CACNA2D3: variants seen among roughly 807,000 people sequenced by gnomAD.
CACNA2D3 encodes voltage-dependent calcium channel subunit alpha-2/delta-3.
A neutral mutation model predicts 160.6 loss-of-function variants in CACNA2D3; 60 were observed. The ratio of observed to expected loss-of-function variants is 0.37; its 90% CI spans 0.30 to 0.46. CACNA2D3 has a LOEUF of 0.46. Ranked by LOEUF, CACNA2D3 falls within the 20% of genes least tolerant of loss-of-function variation. The pLI is 1.00. For missense variants in CACNA2D3, 1,205 were observed against 1,365.0 expected (o/e 0.88, Z 1.85); for synonymous variants, 558 against 492.9 (o/e 1.13, Z -1.75).
chr3:54,514,151 G>A (rs554873260), intron 5 of CACNA2D3, among the ~76,000 whole-genome samples: 3 of 152,108 alleles, frequency 2.0e-5, no homozygotes, highest in Non-Finnish European at 4.4e-5. Context: ...GCAAAGAGTC[G>A]TTTTAAAAAT....
intron 2 of CACNA2D3, chr3:54,197,490 TAGC>T (rs1486016461): frequency 6.6e-6 from 1 of 152,250 alleles, no homozygotes; most frequent in Non-Finnish European, 1.5e-5. Flanking sequence ...ATCTTTATAG[TAGC>T]AGAACTTATT....
At chr3:54,215,139 A>G (rs973481014) in intron 2 of CACNA2D3, among the ~76,000 whole-genome samples, 7 of 152,160 alleles carry the variant, frequency 4.6e-5, no homozygotes, top group African/African-American at 1.7e-4. Context: ...TGGGTTGTGG[A>G]GAGAGAGAAA....
At chr3:54,847,621 GCTTT>G (rs1214098875) in intron 17 of CACNA2D3, among the ~76,000 whole-genome samples, 1 of 152,206 alleles carries the variant, frequency 6.6e-6, no homozygotes, top group African/African-American at 2.4e-5. Flanking sequence ...CCATATGCAT[GCTTT>G]AAGATGGGCC....
intron 8 of CACNA2D3, among the ~76,000 whole-genome samples, chr3:54,579,471 T>C (rs1198735295): frequency 6.6e-6 from 1 of 152,188 alleles, no homozygotes. Flanking sequence ...TTTCCCTTAA[T>C]GGCAGGAAAA....
At chr3:55,066,481 C>T (rs1232822047) in intron 35 of CACNA2D3, among the ~76,000 whole-genome samples, 1 of 152,136 alleles carries the variant, frequency 6.6e-6, no homozygotes, top group East Asian at 1.9e-4. Flanking sequence ...CTCGGGGGAT[C>T]TTATCCCTGC....
chr3:54,634,043 A>G (rs545780390), intron 10 of CACNA2D3, among the ~76,000 whole-genome samples: 6 of 152,240 alleles, frequency 3.9e-5, no homozygotes, highest in Admixed American at 2.0e-4. Context: ...CCAGTTATGT[A>G]TGGTCTTCTC....
intron 35 of CACNA2D3, among the ~76,000 whole-genome samples, chr3:55,024,585 G>A (rs1181861251): frequency 6.6e-6 from 1 of 152,078 alleles, no homozygotes; most frequent in Non-Finnish European, 1.5e-5. Context: ...TATCATTGAG[G>A]CAGAAAACAA....
intron 2 of CACNA2D3, among the ~76,000 whole-genome samples, chr3:54,129,234 G>A (rs915303085): frequency 6.6e-6 from 1 of 152,184 alleles, no homozygotes; most frequent in Non-Finnish European, 1.5e-5. Flanking sequence ...GGCAGATTAG[G>A]TATTTGTATA....
chr3:54,371,675 T>C lies in CACNA2D3; in HGVS notation c.322-15040T>C, dbSNP rs571889573. 7.2e-5 allele frequency among the ~76,000 whole-genome samples: 11 copies of C among 152,316 alleles called. No individual in the cohort carries two copies. In the East Asian group the frequency reaches 1.9e-3, roughly 27 times the overall value. On this transcript the variant is annotated intron_variant, in intron 3 of 37. Coordinates refer to ENST00000474759, the MANE Select transcript of CACNA2D3 (RefSeq NM_018398.3). Reference sequence around the variant, plus strand: ...TGATCTATTTGTACTCATTTAACTTTGTGATTTATTAGCCCAAGTAGAAGC... The same window carrying C: ...TGATCTATTTGTACTCATTTAACTTCGTGATTTATTAGCCCAAGTAGAAGC...
intron 13 of CACNA2D3, among the ~76,000 whole-genome samples, chr3:54,815,492 T>C (rs1024391505): frequency 4.6e-5 from 7 of 152,210 alleles, no homozygotes; most frequent in Non-Finnish European, 7.3e-5. Flanking sequence ...GAAAGTCTGA[T>C]GATTCAAGTG....
Position 54,577,775 on chromosome 3 carries a change from A to G in CACNA2D3, c.889-4028A>G, listed in dbSNP as rs144246279. Among the ~76,000 whole-genome samples the G allele has an allele frequency of 2.1e-3, 320 of 152,276 alleles. 3 individuals carry two copies. The highest frequency in any genetic ancestry group is 6.8e-3 in the African/African-American group (282 of 41,542). ...TTAGAATACCTGTTTCCCCAACACA[A>G]AAGCTGAGGCCAAGCTCACCCAGCT... On this transcript the variant is annotated intron_variant, in intron 8 of 37. Coordinates refer to ENST00000474759, the MANE Select transcript of CACNA2D3 (RefSeq NM_018398.3).
intron 2 of CACNA2D3, among the ~76,000 whole-genome samples, chr3:54,304,649 T>G (rs369984318): frequency 6.6e-6 from 1 of 152,218 alleles, no homozygotes; most frequent in African/African-American, 2.4e-5. Context: ...TTTGCTTTAA[T>G]AAGAAGAAAA....
intron 13 of CACNA2D3, among the ~76,000 whole-genome samples, chr3:54,775,699 T>A (rs533095452): frequency 6.6e-6 from 1 of 152,308 alleles, no homozygotes; most frequent in Admixed American, 6.5e-5. Flanking sequence ...TATGACTATT[T>A]TATCATATTT....
chr3:54,508,562 A>G (rs1033402234), intron 5 of CACNA2D3, among the ~76,000 whole-genome samples: 2 of 152,254 alleles, frequency 1.3e-5, no homozygotes, highest in Non-Finnish European at 2.9e-5. Flanking sequence ...TATAGATTAC[A>G]ATCAAAACAC....
At chr3:54,486,730 C>G (rs1158252694) in intron 4 of CACNA2D3, among the ~76,000 whole-genome samples, 1 of 152,158 alleles carries the variant, frequency 6.6e-6, no homozygotes, top group East Asian at 1.9e-4. Flanking sequence ...AGTCTCCCAG[C>G]ATACCCAGCA....
At chr3:54,837,691 C>T (rs957833449) in intron 15 of CACNA2D3, among the ~76,000 whole-genome samples, 2 of 152,134 alleles carry the variant, frequency 1.3e-5, no homozygotes, top group Admixed American at 6.6e-5. Context: ...AAGAATTTCT[C>T]CTTGCCTCTT....
intron 21 of CACNA2D3, among the ~76,000 whole-genome samples, chr3:54,884,459 A>T (rs1051464787): frequency 2.0e-5 from 3 of 152,248 alleles, no homozygotes; most frequent in African/African-American, 7.2e-5. Context: ...TGGAAACTGG[A>T]GTCCTGAGTG....
At chr3:54,282,426 G>T (rs1006332579) in intron 2 of CACNA2D3, among the ~76,000 whole-genome samples, 1 of 152,218 alleles carries the variant, frequency 6.6e-6, no homozygotes, top group Non-Finnish European at 1.5e-5. Context: ...CAGGTGTGAG[G>T]AAAGATGCGT....
intron 13 of CACNA2D3, among the ~76,000 whole-genome samples, chr3:54,814,438 G>T (rs556412976): frequency 2.5e-4 from 38 of 152,294 alleles, no homozygotes; most frequent in African/African-American, 7.9e-4. Context: ...CTAGGGCAGG[G>T]CCCTGCACGC....
Sources: allele counts gnomAD v4.1 joint callset (sites outside exome capture counted in the v4.1 genomes callset), GRCh38; gene constraint gnomAD v4.1.1; transcripts MANE v1.5; gene names NCBI Gene and HGNC (gene_info 2026-07-23, HGNC 2026-07-21).